The following CUX1 variants were observed in gnomAD, a reference collection of about 807,000 sequenced individuals.
The protein encoded by CUX1 is cut like homeobox 1.
CUX1 carries 31 observed loss-of-function variants against 158.8 expected under a neutral mutation model. The ratio of observed to expected loss-of-function variants is 0.20; its 90% CI spans 0.15 to 0.26. The LOEUF (loss-of-function observed/expected upper bound fraction) is 0.26. CUX1 is among the 10% of genes least tolerant of loss of function. The pLI is 1.00. For missense variants in CUX1, 1,589 were observed against 2,014.6 expected, an observed-to-expected ratio of 0.79 and a Z score of 4.04; for synonymous variants, 879 against 862.1, an observed-to-expected ratio of 1.02 and a Z score of -0.34.
chr7:101,882,592 C>T (rs573730113), intron 1 of CUX1, among the ~76,000 whole-genome samples: 6 of 152,246 alleles, frequency 3.9e-5, no homozygotes, highest in Non-Finnish European at 8.8e-5. Context: ...CACCTCTCGT[C>T]ACCTTTTCAC....
chr7:101,892,798 C>CTTT (rs1360460151), intron 1 of CUX1, among the ~76,000 whole-genome samples: 1 of 151,966 alleles, frequency 6.6e-6, no homozygotes, highest in Non-Finnish European at 1.5e-5. Context: ...ATTTTTAGAC[C>CTTT]ATTAAAGGGC....
chr7:102,148,644 G>GTA (rs760556580), intron 8 of CUX1, among the ~76,000 whole-genome samples: 2 of 148,618 alleles, frequency 1.3e-5, no homozygotes, highest in Non-Finnish European at 3.0e-5. Context: ...ATTAATAAAT[G>GTA]TATATATATA....
intron 2 of CUX1, among the ~76,000 whole-genome samples, chr7:101,918,184 G>C (rs988819725): frequency 6.6e-6 from 1 of 152,166 alleles, no homozygotes; most frequent in Non-Finnish European, 1.5e-5. Context: ...AGTGGAGGAG[G>C]AGCGTGTCCC....
At chr7:102,038,624 T>C (rs1367286997) in intron 3 of CUX1, among the ~76,000 whole-genome samples, 1 of 152,184 alleles carries the variant, frequency 6.6e-6, no homozygotes, top group Non-Finnish European at 1.5e-5. Flanking sequence ...ACCTGTACCT[T>C]GACGCGGCAG....
intron 4 of CUX1, among the ~76,000 whole-genome samples, chr7:102,086,037 T>G (rs1554480358): frequency 6.6e-6 from 1 of 152,200 alleles, no homozygotes; most frequent in Admixed American, 6.5e-5. Flanking sequence ...ATCTAAATTA[T>G]CAAATTTGTT....
chr7:102,228,773 G>A (rs1280682489), intron 21 of CUX1, among the ~76,000 whole-genome samples: 1 of 152,168 alleles, frequency 6.6e-6, no homozygotes, highest in Non-Finnish European at 1.5e-5. Context: ...ACTTCAGCCT[G>A]GACAACACAG....
chr7:102,200,446 G>A (rs1445362950), intron 17 of CUX1, among the ~76,000 whole-genome samples: 2 of 151,964 alleles, frequency 1.3e-5, no homozygotes, highest in Non-Finnish European at 2.9e-5. Context: ...GGGTTTAAGC[G>A]ATTCTCCTGC....
rs1554547116 is a variant in CUX1 at position 102,274,311 on chromosome 7, G to A, written c.1450+1G>A. On this transcript the variant is annotated splice_donor_variant, in intron 16 of 22. Transcript: ENST00000292538. LOFTEE classifies it high-confidence loss of function. ...AAAGAGGCCACTGCCCTATTCTACG[G>A]TAAGGAGAGGCCTGACCCATGGGAG... 3 of 1,613,118 alleles carry A rather than the reference G, an allele frequency of 1.9e-6. No homozygotes were observed. In the East Asian group the frequency reaches 6.7e-5, roughly 36 times the overall value.
intron 3 of CUX1, among the ~76,000 whole-genome samples, chr7:102,036,078 A>G (rs953915741): frequency 6.6e-6 from 1 of 151,956 alleles, no homozygotes; most frequent in African/African-American, 2.4e-5. Context: ...CACATATTAC[A>G]TTTGTGTAAT....
At chr7:102,216,548 CCA>C (rs1209706680) in intron 20 of CUX1, among the ~76,000 whole-genome samples, 1 of 107,746 alleles carries the variant, frequency 9.3e-6, no homozygotes, top group Non-Finnish European at 1.9e-5. Context: ...ACACACACAC[CCA>C]CACACGCACA....
intron 14 of CUX1, among the ~76,000 whole-genome samples, chr7:102,266,261 G>A (rs1790807853): frequency 6.6e-6 from 1 of 151,398 alleles, no homozygotes; most frequent in Admixed American, 6.6e-5. Flanking sequence ...CATCAGGAGT[G>A]ATGGAGAGGA....
chr7:102,079,041 G>A lies in CUX1; in HGVS notation c.268+8624G>A, dbSNP rs571243263. On this transcript the variant is annotated intron_variant, in intron 4 of 23. Coordinates refer to ENST00000292535, the MANE Select transcript of CUX1 (RefSeq NM_181552.4). ...TTGGTGCCTGCTACTTTCAAGTGAG[G>A]ACACATTACAGGTTAAAATTAGAAA... Among the ~76,000 whole-genome samples, 21 of 152,274 alleles carry A rather than the reference G, an allele frequency of 1.4e-4. No individual in the cohort carries two copies. The South Asian group carries it at 4.4e-3, about 32-fold the overall frequency.
intron 14 of CUX1, among the ~76,000 whole-genome samples, chr7:102,268,911 G>GCCCCACTT (rs1214022907): frequency 6.7e-6 from 1 of 149,920 alleles, no homozygotes; most frequent in African/African-American, 2.5e-5. Context: ...CTCCCACCAG[G>GCCCCACTT]CCCCACTTCC....
At chr7:102,263,881 C>T (rs1554544517) in intron 14 of CUX1, among the ~76,000 whole-genome samples, 10 of 151,308 alleles carry the variant, frequency 6.6e-5, no homozygotes, top group Non-Finnish European at 2.9e-5. Flanking sequence ...TTAGTAGAGA[C>T]GGGGTTCACC....
At chr7:101,989,655 C>A (rs1048352527) in intron 2 of CUX1, among the ~76,000 whole-genome samples, 17 of 152,304 alleles carry the variant, frequency 1.1e-4, no homozygotes, top group East Asian at 1.9e-4. Flanking sequence ...CTCACCGGGG[C>A]TTTTGCAGGG....
At chr7:102,091,551 T>C (rs1431072311) in intron 4 of CUX1, among the ~76,000 whole-genome samples, 1 of 151,788 alleles carries the variant, frequency 6.6e-6, no homozygotes, top group African/African-American at 2.4e-5. Flanking sequence ...CCCCAGCTGG[T>C]CTTGAACTGC....
chr7:101,829,585 T>C (rs1793753960), intron 1 of CUX1, among the ~76,000 whole-genome samples: 1 of 148,184 alleles, frequency 6.7e-6, no homozygotes, highest in Non-Finnish European at 1.5e-5. Context: ...AGTGGGGTCA[T>C]CGGGTGACTC....
chr7:102,263,272 C>T (rs1000661104), intron 14 of CUX1, among the ~76,000 whole-genome samples: 4 of 149,566 alleles, frequency 2.7e-5, no homozygotes, highest in African/African-American at 4.9e-5. Context: ...GCCTTGGCAT[C>T]CCAAAGTACT....
chr7:101,980,256 A>T (rs1197949192), intron 2 of CUX1, among the ~76,000 whole-genome samples: 3 of 152,154 alleles, frequency 2.0e-5, no homozygotes, highest in Non-Finnish European at 4.4e-5. Context: ...CTGGAATCCC[A>T]GCACTTTGGG....
Sources: gnomAD v4.1 joint callset for allele counts (sites outside exome capture counted in the v4.1 genomes callset) on GRCh38, gnomAD v4.1.1 for gene constraint, MANE v1.5 for transcripts, NCBI Gene and HGNC (gene_info 2026-07-23, HGNC 2026-07-21) for gene names.